Variants in TP73 observed in about 807,000 individuals in gnomAD.
TP73 encodes p53-like transcription factor.
TP73 carries 25 observed loss-of-function variants against 62.5 expected under a neutral mutation model. The ratio of observed to expected loss-of-function variants is 0.40; its 90% confidence interval spans 0.29 to 0.56. TP73 has a LOEUF of 0.56. Ranked by LOEUF, TP73 falls within the 20% of genes least tolerant of loss-of-function variation. The pLI is 0.46. For missense variants in TP73, 754 were observed against 913.3 expected, an observed-to-expected ratio of 0.83 and a Z score of 2.25; for synonymous variants, 423 against 377.5, an observed-to-expected ratio of 1.12 and a Z score of -1.40.
intron 4 of TP73, among the ~76,000 whole-genome samples, chr1:3,720,989 T>G (rs1214474941): frequency 6.6e-6 from 1 of 152,098 alleles, no homozygotes; most frequent in African/African-American, 2.4e-5. Flanking sequence ...ACAGAGGGCA[T>G]GGGGTGGCAG....
intron 3 of TP73, among the ~76,000 whole-genome samples, chr1:3,693,093 T>G (rs113465408): frequency 3.3e-5 from 5 of 151,986 alleles, no homozygotes; most frequent in African/African-American, 1.2e-4. Flanking sequence ...GTGGAGGCAG[T>G]GCCCAGAGCC....
In TP73 at chr1:3,683,085, C is replaced by T. The variant is rs749098599; in HGVS notation, c.91C>T (p.Leu31Phe). 2 of 1,611,254 alleles carry T rather than the reference C, an allele frequency of 1.2e-6. No individual in the cohort carries two copies. Among genetic ancestry groups the T allele is most frequent in the Admixed American group, 3.3e-5 (2 of 59,932 alleles). The change falls in exon 3 of 14, where the codon CTT (leucine) becomes TTT (phenylalanine). Residue 31 changes from leucine to phenylalanine, a missense_variant. By Grantham distance (22) the Leu-to-Phe change is conservative. Transcript: ENST00000378295. Reference protein sequence around the residue: ...SLEPDSTYFDLPQSSRGNNEV... With the variant: ...SLEPDSTYFDFPQSSRGNNEV... The stretch of plus-strand genomic sequence containing the variant: ...GGAACCAGACAGCACCTACTTCGAC[C>T]TTCCCCAGTCAAGCCGGGGGAATAA...
intron 13 of TP73, among the ~76,000 whole-genome samples, chr1:3,731,896 TTCAGTGCCATTTACAGAGAGG>T (rs1485289376): frequency 6.6e-6 from 1 of 152,184 alleles, no homozygotes; most frequent in Non-Finnish European, 1.5e-5. Context: ...GTCAGTCCAG[TTCAGTGCCATTTACAGAGAGG>T]TCAGCGCCAT....
chr1:3,720,603 C>T (rs889041888), intron 4 of TP73, among the ~76,000 whole-genome samples: 1 of 152,228 alleles, frequency 6.6e-6, no homozygotes, highest in Non-Finnish European at 1.5e-5. Context: ...ACTCAGGGTG[C>T]CGGGGACCCA....
At chr1:3,728,566 G>A (rs535485347) in intron 9 of TP73, among the ~76,000 whole-genome samples, 3 of 152,346 alleles carry the variant, frequency 2.0e-5, no homozygotes, top group Non-Finnish European at 1.5e-5. Context: ...CCGTGGCCAC[G>A]GCCAGCCCCC....
chr1:3,676,315 T>G (rs1192977868), intron 1 of TP73, among the ~76,000 whole-genome samples: 12 of 51,796 alleles, frequency 2.3e-4, no homozygotes, highest in South Asian at 1.4e-3. Context: ...AAACAGGAGA[T>G]GGGGAGGGGA....
intron 3 of TP73, among the ~76,000 whole-genome samples, chr1:3,685,449 C>G (rs2102104620): frequency 6.6e-6 from 1 of 152,346 alleles, no homozygotes; most frequent in East Asian, 1.9e-4. Context: ...AGGTGCACAG[C>G]TCGACTCACG....
At chr1:3,728,700 GT>G (rs762317500) in intron 9 of TP73, among the ~76,000 whole-genome samples, 4 of 152,254 alleles carry the variant, frequency 2.6e-5, no homozygotes, top group Non-Finnish European at 5.9e-5. Context: ...CCCAGTTGGG[GT>G]CAGTGGCTCA....
chr1:3,679,788 T>TGTCTCTCTCC, intron 1 of TP73, among the ~76,000 whole-genome samples: 1 of 143,630 alleles, frequency 7.0e-6, no homozygotes, highest in South Asian at 2.3e-4. Flanking sequence ...CTCTCTGTTT[T>TGTCTCTCTCC]GTCTCTCTTT....
chr1:3,670,237 G>T lies in TP73; in HGVS notation c.-33-12096G>T, dbSNP rs1645209221. 6.6e-6 allele frequency among the ~76,000 whole-genome samples: 1 copy of T among 152,118 alleles called. No individual in the cohort carries two copies. Among genetic ancestry groups the T allele is most frequent in the African/African-American group, 2.4e-5 (1 of 41,404 alleles). On this transcript the variant is annotated intron_variant, in intron 1 of 13. Coordinates refer to ENST00000378295, the MANE Select transcript of TP73 (RefSeq NM_005427.4). This position sits in a 1 kb window ranked among gnomAD's most constrained non-coding sequence, Gnocchi z 5.9. ...ACCACATGGGCACAGGTAAGGCAGG[G>T]ATGATGATGGGGCCGGGGGACCACA...
chr1:3,658,151 T>G (rs1002446214), intron 1 of TP73, among the ~76,000 whole-genome samples: 3 of 152,088 alleles, frequency 2.0e-5, no homozygotes, highest in African/African-American at 7.2e-5. Context: ...GGAAGGCAGG[T>G]CTCATGGAGC....
At chr1:3,695,503 C>T (rs1053954224) in intron 3 of TP73, among the ~76,000 whole-genome samples, 5 of 152,222 alleles carry the variant, frequency 3.3e-5, no homozygotes, top group African/African-American at 1.2e-4. Context: ...GGCATCCATG[C>T]GTTGCGGGAA....
intron 13 of TP73, among the ~76,000 whole-genome samples, chr1:3,732,047 G>C (rs930240131): frequency 5.9e-5 from 9 of 152,222 alleles, no homozygotes; most frequent in Admixed American, 5.9e-4. Context: ...GCTTGTCTTT[G>C]GGTTAGAGAC....
rs1476516377 is a variant in TP73 at position 3,672,955 on chromosome 1, C to A, written c.-33-9378C>A. 6.6e-6 allele frequency among the ~76,000 whole-genome samples: 1 copy of A among 152,238 alleles called. No homozygotes were observed. Among genetic ancestry groups the A allele is most frequent in the Non-Finnish European group, 1.5e-5 (1 of 68,034 alleles). On this transcript the variant is annotated intron_variant, in intron 1 of 13. Coordinates refer to ENST00000378295, the MANE Select transcript of TP73 (RefSeq NM_005427.4). This position sits in a 1 kb window ranked among gnomAD's most constrained non-coding sequence, Gnocchi z 5.3. ...CCGCCCACTCCAAGGCGCAAGCAAG[C>A]TGGGGCTGGGGTGCAGACTTCTCTT...
At chr1:3,726,837 GTGGGTGGATGGATGGGGTTGGTGGATGGA>G (rs1424795812) in intron 6 of TP73, among the ~76,000 whole-genome samples, 3 of 147,560 alleles carry the variant, frequency 2.0e-5, no homozygotes, top group African/African-American at 7.5e-5. Context: ...GGATAGATGG[GTGGGTGGATGGATGGGGTTGGTGGATGGA>G]TGGATGGATG....
chr1:3,731,463 T>C lies in TP73; in HGVS notation c.1485T>C (p.Ser495=). 6.2e-7 allele frequency: 1 copy of C among 1,613,414 alleles called. No homozygotes were observed. Among genetic ancestry groups the C allele is most frequent in the Non-Finnish European group, 8.5e-7 (1 of 1,179,862 alleles). ...PPYHADPSLV[S]FLTGLGCPNC... is the part of the protein sequence containing the mutation. Reference sequence around the variant, plus strand: ...TTCCTTTCTCAAATTCTCTCTGCAGTTTTTTAACAGGATTGGGGTGTCCAA... The same window carrying C: ...TTCCTTTCTCAAATTCTCTCTGCAGCTTTTTAACAGGATTGGGGTGTCCAA... The change falls in exon 13 of 14, where the codon AGT becomes AGC. Residue 495 remains serine, a splice_region_variant and synonymous_variant. Coordinates refer to ENST00000378295, the MANE Select transcript of TP73 (RefSeq NM_005427.4).
At position 3,732,933 on chromosome 1, in the gene TP73, C is replaced by T. The variant is rs747896985; in HGVS notation, c.1765C>T (p.Arg589Cys). The change falls in exon 14 of 14, where the codon CGC becomes TGC. Residue 589 changes from arginine (R) to cysteine (C), a missense_variant. Arg to Cys is a radical substitution (Grantham distance 180). Transcript: ENST00000378295. ...GCGGGTCATGGAGGCCGTGCACTTC[C>T]GCGTGCGCCACACCATCACCATCCC... ...RQRVMEAVHF[R>C]VRHTITIPNR... The T allele has an allele frequency of 2.5e-6, 4 of 1,610,096 alleles. No individual in the cohort carries two copies. The highest frequency in any genetic ancestry group is 3.4e-6 in the Non-Finnish European group (4 of 1,179,410).
intron 4 of TP73, among the ~76,000 whole-genome samples, chr1:3,712,802 G>T (rs2124428158): frequency 6.6e-6 from 1 of 152,268 alleles, no homozygotes; most frequent in African/African-American, 2.4e-5. Flanking sequence ...GGGCACACCA[G>T]GGTCACCTGT....
chr1:3,682,208 C>T (rs1017937668), intron 1 of TP73, 125 bp from the exon 2 acceptor site: 29 of 637,936 alleles, frequency 4.5e-5, no homozygotes, highest in African/African-American at 3.0e-4. Flanking sequence ...GAGGGCAAGG[C>T]GGGGGCACCT....
Sources: gnomAD v4.1 joint callset for allele counts (sites outside exome capture counted in the v4.1 genomes callset) on GRCh38, gnomAD v4.1.1 for gene constraint, Gnocchi (gnomAD v3.1) non-coding constraint, MANE v1.5 for transcripts, NCBI Gene and HGNC (gene_info 2026-07-23, HGNC 2026-07-21) for gene names.